Variants in STX17 observed in about 807,000 individuals in gnomAD.
The protein encoded by STX17 is syntaxin 17.
Under a neutral mutation model 35.9 loss-of-function variants are expected in STX17, and 29 were observed. The ratio of observed to expected loss-of-function variants is 0.81; its 90% confidence interval spans 0.60 to 1.10. The LOEUF is 1.10. Ranked by LOEUF, STX17 falls within the 50% of genes least tolerant of loss-of-function variation. The pLI, the probability that STX17 is intolerant of heterozygous loss-of-function variation, is 0.00. For missense variants in STX17, 312 were observed against 352.3 expected (o/e 0.89, Z 0.92); for synonymous variants, 92 against 118.3 (o/e 0.78, Z 1.44).
chr9:99,929,227 A>ATTT, intron 3 of STX17: 1 of 145,630 alleles, frequency 6.9e-6, no homozygotes, highest in Non-Finnish European at 1.5e-5. Flanking sequence ...CTGGGCAGTA[A>ATTT]TTTTTTTTTT....
chr9:99,946,296 A>G (rs753300002), intron 3 of STX17, among the ~76,000 whole-genome samples: 1 of 152,204 alleles, frequency 6.6e-6, no homozygotes, highest in East Asian at 1.9e-4. Flanking sequence ...GGCTTTGAAC[A>G]TCTATGGATT....
chr9:99,967,441 C>T, intron 6 of STX17: 3 of 401,164 alleles, frequency 7.5e-6, no homozygotes, highest in Non-Finnish European at 9.0e-6. Context: ...AAGTTGCCAC[C>T]CTTTTATTAC....
At chr9:99,912,207 C>T (rs1297877948) in intron 1 of STX17, among the ~76,000 whole-genome samples, 2 of 146,284 alleles carry the variant, frequency 1.4e-5, no homozygotes, top group Non-Finnish European at 3.0e-5. Flanking sequence ...GCCTGGGTGA[C>T]AAGAGCGAAA....
At chr9:99,923,610 T>C (rs1828931081) in intron 2 of STX17, among the ~76,000 whole-genome samples, 1 of 152,172 alleles carries the variant, frequency 6.6e-6, no homozygotes, top group Admixed American at 6.6e-5. Context: ...TATCTTCTAG[T>C]TGAATTCAAT....
At chr9:99,908,964 T>C (rs2118280849) in intron 1 of STX17, among the ~76,000 whole-genome samples, 1 of 152,376 alleles carries the variant, frequency 6.6e-6, no homozygotes, top group South Asian at 2.1e-4. Flanking sequence ...GGGTTCATTC[T>C]AGTTTTGTCC....
intron 1 of STX17, among the ~76,000 whole-genome samples, chr9:99,911,066 C>G (rs543443517): frequency 6.6e-6 from 1 of 151,092 alleles, no homozygotes; most frequent in African/African-American, 2.4e-5. Context: ...GACGGAGTCT[C>G]GCTCTGTTGC....
rs138995597 is a variant in STX17 at position 99,942,857 on chromosome 9, T to C, written c.190-8203T>C. On this transcript the variant is annotated intron_variant, in intron 3 of 7. Coordinates refer to ENST00000259400, the MANE Select transcript of STX17 (RefSeq NM_017919.3). ...TAAGTCAAGTGCATTTATGTTTGGG[T>C]TGTTTCTGGGCTGTTTCACTGTGTA... is the stretch of plus-strand genomic sequence containing the variant. Among the ~76,000 whole-genome samples the C allele has an allele frequency of 2.5e-3, 378 of 152,226 alleles. 1 individual carries two copies. Among genetic ancestry groups the C allele is most frequent in the African/African-American group, 8.7e-3 (362 of 41,550 alleles).
intron 1 of STX17, 93 bp from the exon 2 acceptor site, chr9:99,915,085 T>G (rs971512649): frequency 1.3e-6 from 1 of 786,066 alleles, no homozygotes; most frequent in Non-Finnish European, 1.8e-6. Context: ...ATTCTATTTA[T>G]TGATTTAGAA....
chr9:99,956,527 T>G (rs1414205940), intron 4 of STX17, among the ~76,000 whole-genome samples: 1 of 152,184 alleles, frequency 6.6e-6, no homozygotes, highest in Non-Finnish European at 1.5e-5. Flanking sequence ...TAATTCATTT[T>G]TCTTGGTTGA....
At position 99,971,305 on chromosome 9, in the gene STX17, A is replaced by T. The variant is rs1376138283; in HGVS notation, c.*2632A>T. On this transcript the variant is annotated 3_prime_UTR_variant, in exon 8 of 8. Transcript: ENST00000259400. ...CCTAAGGACTTTTTTTTTTTTTTTA[A>T]CATAATCTGAGAATTTCTCTGTAGA... Among the ~76,000 whole-genome samples the T allele has an allele frequency of 2.4e-4, 35 of 147,638 alleles. No homozygotes were observed. Among genetic ancestry groups the T allele is most frequent in the Non-Finnish European group, 4.6e-4 (31 of 66,902 alleles).
intron 1 of STX17, among the ~76,000 whole-genome samples, chr9:99,908,189 G>T (rs527355666): frequency 3.9e-5 from 6 of 152,282 alleles, no homozygotes; most frequent in Admixed American, 2.6e-4. Context: ...TGATCACTTG[G>T]TAGAGAGTGT....
chr9:99,951,223 A>C lies in STX17; in HGVS notation c.353A>C (p.Lys118Thr). 6.2e-7 allele frequency: 1 copy of C among 1,613,140 alleles called. No homozygotes were observed. Among genetic ancestry groups the C allele is most frequent in the African/African-American group, 1.3e-5 (1 of 75,004 alleles). Residue 118 changes from lysine to threonine, a missense_variant, in exon 4 of 8, where the codon AAG becomes ACG. Coordinates refer to ENST00000259400, the MANE Select transcript of STX17 (RefSeq NM_017919.3). The stretch of plus-strand genomic sequence containing the variant: ...TTGGAATCTGTAGAAGAACTTAAGA[A>C]GCAATTTAATGATGAAGAAACTTTG... The part of the protein sequence containing the change: ...LHLESVEELK[K>T]QFNDEETLLQ...
At chr9:99,928,452 A>G (rs1041135161) in intron 2 of STX17, among the ~76,000 whole-genome samples, 8 of 152,060 alleles carry the variant, frequency 5.3e-5, no homozygotes, top group African/African-American at 1.9e-4. Context: ...TTCATTTTTT[A>G]TATTATTTTA....
At chr9:99,920,404 A>T (rs753684217) in intron 2 of STX17, among the ~76,000 whole-genome samples, 4 of 152,212 alleles carry the variant, frequency 2.6e-5, no homozygotes, top group Admixed American at 2.6e-4. Context: ...TCTGAGGACA[A>T]AAGCTCCTTA....
At chr9:99,921,353 C>T (rs1828882699) in intron 2 of STX17, among the ~76,000 whole-genome samples, 1 of 152,002 alleles carries the variant, frequency 6.6e-6, no homozygotes, top group Non-Finnish European at 1.5e-5. Context: ...TGTATTGAAT[C>T]AGATCACACC....
At chr9:99,957,292 G>T (rs180927382) in intron 4 of STX17, among the ~76,000 whole-genome samples, 1 of 152,058 alleles carries the variant, frequency 6.6e-6, no homozygotes, top group African/African-American at 2.4e-5. Flanking sequence ...CCCACAGCTC[G>T]GAAGTCTCAT....
At chr9:99,920,053 C>G (rs1186899187) in intron 2 of STX17, among the ~76,000 whole-genome samples, 1 of 152,180 alleles carries the variant, frequency 6.6e-6, no homozygotes, top group Non-Finnish European at 1.5e-5. Context: ...CAACCTCGTT[C>G]CTTTTTTCTG....
At chr9:99,963,693 T>C (rs1222798694) in intron 6 of STX17, among the ~76,000 whole-genome samples, 1 of 152,184 alleles carries the variant, frequency 6.6e-6, no homozygotes, top group Non-Finnish European at 1.5e-5. Context: ...ACTATTATCC[T>C]TAGGCATTTT....
At chr9:99,948,750 G>A (rs1034856225) in intron 3 of STX17, among the ~76,000 whole-genome samples, 2 of 152,062 alleles carry the variant, frequency 1.3e-5, no homozygotes, top group Non-Finnish European at 2.9e-5. Context: ...TTATACTTCA[G>A]TGGGTTTTTT....
Sources: gnomAD v4.1 joint callset for allele counts (sites outside exome capture counted in the v4.1 genomes callset) on GRCh38, gnomAD v4.1.1 for gene constraint, MANE v1.5 for transcripts, NCBI Gene and HGNC (gene_info 2026-07-23, HGNC 2026-07-21) for gene names.